Variants in AMBP observed in about 807,000 individuals in gnomAD.
AMBP encodes the protein protein AMBP.
Under a neutral mutation model 46.3 loss-of-function variants are expected in AMBP, and 37 were observed. The observed-to-expected ratio is 0.80, with a 90% CI of 0.61 to 1.05. The LOEUF is 1.05. AMBP is among the 50% of genes least tolerant of loss of function. The pLI, the probability that AMBP is intolerant of heterozygous loss-of-function variation, is 0.00. For synonymous variants in AMBP, 174 were observed against 175.9 expected (o/e 0.99, Z 0.09); for missense variants, 475 against 461.2 (o/e 1.03, Z -0.27).
At position 114,071,529 on chromosome 9, in the gene AMBP, A is replaced by G. The variant is rs904405687; in HGVS notation, c.556+1396T>C. Among the ~76,000 whole-genome samples, 3 of 152,334 alleles carry G rather than the reference A, an allele frequency of 2.0e-5. No homozygotes were observed. The South Asian group carries it at 6.2e-4, about 32-fold the overall frequency. On this transcript the variant is annotated intron_variant, in intron 5 of 9. Transcript: ENST00000265132. Reference sequence around the variant, plus strand: ...CCATGAATAGCAGCAGGAGGCTGACAGGCTCCTGAGTGGAAGGAGGCTGGT... The same window carrying G: ...CCATGAATAGCAGCAGGAGGCTGACGGGCTCCTGAGTGGAAGGAGGCTGGT...
At chr9:114,064,803 T>C (rs1219806978) in intron 6 of AMBP, among the ~76,000 whole-genome samples, 2 of 152,142 alleles carry the variant, frequency 1.3e-5, no homozygotes, top group African/African-American at 4.8e-5. Flanking sequence ...TGGAACCGAA[T>C]AGAATGGCTC....
Position 114,072,913 on chromosome 9 carries a change from G to T in AMBP, c.556+12C>A, listed in dbSNP as rs1417778800. ...AGGGGACAGGAATTTGAGGCGGAGGGGTGCTATGTACCTCGGTCAGCCATG... is the reference window on the plus strand; with the variant it reads ...AGGGGACAGGAATTTGAGGCGGAGGTGTGCTATGTACCTCGGTCAGCCATG... On this transcript the variant is annotated intron_variant, in intron 5 of 9. Coordinates refer to ENST00000265132, the MANE Select transcript of AMBP (RefSeq NM_001633.4). The T allele has an allele frequency of 3.7e-6, 6 of 1,612,064 alleles. No individual in the cohort carries two copies. Among genetic ancestry groups the T allele is most frequent in the Admixed American group, 1.7e-5 (1 of 59,902 alleles).
At chr9:114,076,497 G>T in intron 2 of AMBP, 101 bp downstream of exon 2, 1 of 1,523,616 alleles carries the variant, frequency 6.6e-7, no homozygotes, top group Non-Finnish European at 8.8e-7. Context: ...GGAAGGTCCT[G>T]ACTGGAAGCA....
intron 2 of AMBP, among the ~76,000 whole-genome samples, chr9:114,075,911 G>A (rs766399741): frequency 2.0e-5 from 3 of 152,144 alleles, no homozygotes; most frequent in Non-Finnish European, 2.9e-5. Flanking sequence ...ACCTGGAGGC[G>A]TGAGAGTTCC....
chr9:114,071,447 G>A (rs1477446550), intron 5 of AMBP, among the ~76,000 whole-genome samples: 2 of 152,260 alleles, frequency 1.3e-5, no homozygotes, highest in Non-Finnish European at 2.9e-5. Context: ...CCGAGTGGGG[G>A]CTGATGGCAG....
At position 114,074,983 on chromosome 9, in the gene AMBP, C is replaced by T; in HGVS notation, c.314G>A (p.Gly105Glu). The change falls in exon 3 of 10, where the codon GGG becomes GAG. Residue 105 changes from glycine to glutamate, a missense_variant. Physicochemically the swap from Gly to Glu is moderately conservative, Grantham distance 98. This residue lies in a region of AMBP where 179 missense variants were observed against 167.4 expected (regional missense o/e 1.07). Coordinates refer to ENST00000265132, the MANE Select transcript of AMBP (RefSeq NM_001633.4). ...SGAYEKTDTD[G>E]KFLYHKSKWN... The stretch of plus-strand genomic sequence containing the variant: ...ACTGGATTTGTGATAGAGAAACTTC[C>T]CATCAGTATCTGTTTTCTCATAAGC... The T allele has an allele frequency of 6.2e-7, 1 of 1,614,090 alleles. No homozygotes were observed. Among genetic ancestry groups the T allele is most frequent in the Non-Finnish European group, 8.5e-7 (1 of 1,179,982 alleles).
intron 6 of AMBP, among the ~76,000 whole-genome samples, chr9:114,064,227 A>T (rs1288395324): frequency 1.3e-5 from 2 of 152,216 alleles, no homozygotes; most frequent in Non-Finnish European, 2.9e-5. Context: ...TCCTGAAAAA[A>T]TTATTTGTAG....
rs756486309 is a variant in AMBP at position 114,060,958 on chromosome 9, CCTT to C, written c.991_993del (p.Lys331del). 9.9e-6 allele frequency: 16 copies of C among 1,614,134 alleles called. No homozygotes were observed. Among genetic ancestry groups the C allele is most frequent in the African/African-American group, 1.3e-5 (1 of 74,958 alleles). Reference sequence around the variant, plus strand: ...GGGACACCGCAGTACTCTCTGCACTCCTTCTCTGAGTAGAACTTGTTCCCGTTG... The same window carrying C: ...GGGACACCGCAGTACTCTCTGCACTCCTCTGAGTAGAACTTGTTCCCGTTG... On this transcript the variant is annotated inframe_deletion, in exon 9 of 10. Coordinates refer to ENST00000265132, the MANE Select transcript of AMBP (RefSeq NM_001633.4).
chr9:114,064,072 C>A (rs1425898692), intron 6 of AMBP, among the ~76,000 whole-genome samples: 1 of 152,094 alleles, frequency 6.6e-6, no homozygotes, highest in African/African-American at 2.4e-5. Flanking sequence ...GACAGAAGTC[C>A]CAGAGCAATA....
intron 5 of AMBP, among the ~76,000 whole-genome samples, chr9:114,070,409 T>G (rs777170923): frequency 1.3e-5 from 2 of 152,164 alleles, no homozygotes; most frequent in Non-Finnish European, 2.9e-5. Context: ...CTCCACACTC[T>G]GGCTCCACCT....
intron 6 of AMBP, among the ~76,000 whole-genome samples, chr9:114,066,419 G>A (rs1846695117): frequency 6.7e-6 from 1 of 149,924 alleles, no homozygotes; most frequent in Non-Finnish European, 1.5e-5. Flanking sequence ...GTGTAGAGAT[G>A]GGGTCTTGCT....
intron 6 of AMBP, among the ~76,000 whole-genome samples, chr9:114,066,826 C>T: frequency 6.6e-6 from 1 of 151,994 alleles, no homozygotes; most frequent in African/African-American, 2.4e-5. Flanking sequence ...GTAGCAAAAC[C>T]CAACAAAAGG....
chr9:114,060,841 C>T (rs1846627482), intron 9 of AMBP, 84 bp downstream of exon 9: 2 of 1,478,660 alleles, frequency 1.4e-6, no homozygotes, highest in Non-Finnish European at 1.8e-6. Flanking sequence ...ACTCAGCTCT[C>T]CAGACCCCTA....
At chr9:114,062,802 C>G in intron 6 of AMBP, 44 bp from the exon 7 acceptor site, 1 of 1,577,740 alleles carries the variant, frequency 6.3e-7, no homozygotes, top group Non-Finnish European at 8.7e-7. Flanking sequence ...GACTCCTTGC[C>G]GCTATTGCTT....
At chr9:114,064,337 T>A (rs558287085) in intron 6 of AMBP, among the ~76,000 whole-genome samples, 136 of 151,920 alleles carry the variant, frequency 9.0e-4, no homozygotes, top group Non-Finnish European at 1.6e-3. Flanking sequence ...AAATATAGAG[T>A]TTTACAATAA....
At position 114,076,765 on chromosome 9, in the gene AMBP, G is replaced by C. The variant is rs776461049; in HGVS notation, c.118-25C>G. 8.7e-6 allele frequency: 14 copies of C among 1,610,978 alleles called. No homozygotes were observed. The African/African-American group carries it at 1.6e-4, about 18-fold the overall frequency. On this transcript the variant is annotated intron_variant, in intron 1 of 9. Coordinates refer to ENST00000265132, the MANE Select transcript of AMBP (RefSeq NM_001633.4). ...TCTAGGAGGCAGGTGAGCTCTGGGG[G>C]TCTGCATCAGTCTCAGACCTCAAAG...
intron 6 of AMBP, among the ~76,000 whole-genome samples, chr9:114,066,015 G>A (rs1846689660): frequency 6.8e-6 from 1 of 146,820 alleles, no homozygotes. Flanking sequence ...CTGTCAGACA[G>A]CCCCCAGGGG....
chr9:114,060,871 A>G, intron 9 of AMBP, 54 bp downstream of exon 9: 1 of 1,574,670 alleles, frequency 6.4e-7, no homozygotes, highest in Non-Finnish European at 8.6e-7. Context: ...GGGCTCTCCC[A>G]CCTCGACTCC....
chr9:114,072,214 G>T (rs1487551623), intron 5 of AMBP, among the ~76,000 whole-genome samples: 2 of 152,180 alleles, frequency 1.3e-5, no homozygotes, highest in Non-Finnish European at 2.9e-5. Context: ...CCTCTTTGGG[G>T]CCCTGCAGTT....
Sources: gnomAD v4.1 joint callset for allele counts (sites outside exome capture counted in the v4.1 genomes callset) on GRCh38, gnomAD v4.1.1 for gene constraint, gnomAD v4.1.1 regional missense constraint, MANE v1.5 for transcripts, NCBI Gene and HGNC (gene_info 2026-07-23, HGNC 2026-07-21) for gene names.